Variants in FBXL7 observed in about 807,000 individuals in gnomAD.
The protein encoded by FBXL7 is F-box and leucine rich repeat protein 7.
FBXL7 carries 12 observed loss-of-function variants against 38.3 expected under a neutral mutation model. The ratio of observed to expected loss-of-function variants is 0.31; its 90% CI spans 0.20 to 0.51. The LOEUF (loss-of-function observed/expected upper bound fraction) is 0.51. Among genes scored for constraint, FBXL7 ranks in the 20% least tolerant of loss-of-function variants. FBXL7 has a pLI of 0.98. For synonymous variants in FBXL7, 297 were observed against 300.9 expected, an observed-to-expected ratio of 0.99 and a Z score of 0.13; for missense variants, 567 against 676.4, an observed-to-expected ratio of 0.84 and a Z score of 1.79.
chr5:15,651,056 C>T (rs1382421466), intron 2 of FBXL7, among the ~76,000 whole-genome samples: 1 of 150,650 alleles, frequency 6.6e-6, no homozygotes, highest in African/African-American at 2.4e-5. Context: ...AGAAATCACT[C>T]TATGGCAGCT....
intron 2 of FBXL7, among the ~76,000 whole-genome samples, chr5:15,802,313 T>G (rs1297055267): frequency 6.6e-6 from 1 of 152,092 alleles, no homozygotes; most frequent in Non-Finnish European, 1.5e-5. Context: ...TGCTTAAAAT[T>G]CAGTCAAATT....
chr5:15,653,140 G>A (rs1336919121), intron 2 of FBXL7, among the ~76,000 whole-genome samples: 1 of 152,042 alleles, frequency 6.6e-6, no homozygotes, highest in African/African-American at 2.4e-5. Context: ...AAAGCTCATT[G>A]GTCATTGATC....
At chr5:15,685,396 T>G (rs968044781) in intron 2 of FBXL7, among the ~76,000 whole-genome samples, 1 of 152,060 alleles carries the variant, frequency 6.6e-6, no homozygotes, top group Non-Finnish European at 1.5e-5. Flanking sequence ...GATCTCAAGA[T>G]TGTATGAGGG....
intron 1 of FBXL7, among the ~76,000 whole-genome samples, chr5:15,505,168 G>A (rs1736611386): frequency 6.6e-6 from 1 of 152,192 alleles, no homozygotes; most frequent in South Asian, 2.1e-4. Context: ...AACAGTGGCA[G>A]CTAACATTTA....
At chr5:15,544,456 C>A (rs1737844833) in intron 1 of FBXL7, among the ~76,000 whole-genome samples, 1 of 152,144 alleles carries the variant, frequency 6.6e-6, no homozygotes, top group Non-Finnish European at 1.5e-5. Flanking sequence ...GCCATTTTGA[C>A]AATTACTGTT....
At chr5:15,550,824 A>T (rs1738045383) in intron 1 of FBXL7, among the ~76,000 whole-genome samples, 1 of 152,154 alleles carries the variant, frequency 6.6e-6, no homozygotes, top group African/African-American at 2.4e-5. Flanking sequence ...CCCTCACTTG[A>T]TCCTGACTCC....
At chr5:15,583,381 T>G (rs1739206055) in intron 1 of FBXL7, among the ~76,000 whole-genome samples, 1 of 152,184 alleles carries the variant, frequency 6.6e-6, no homozygotes, top group Non-Finnish European at 1.5e-5. Context: ...CATGTCAGCA[T>G]TAATTCAAAA....
chr5:15,787,975 G>T (rs1335319825), intron 2 of FBXL7, among the ~76,000 whole-genome samples: 1 of 152,124 alleles, frequency 6.6e-6, no homozygotes, highest in Non-Finnish European at 1.5e-5. Flanking sequence ...ACAGTGCTGT[G>T]CTCCCTTTGA....
Position 15,782,596 on chromosome 5 carries a change from A to AT in FBXL7, c.128-145293dup, listed in dbSNP as rs1579458329. Among the ~76,000 whole-genome samples, 3 of 151,818 alleles carry AT rather than the reference A, an allele frequency of 2.0e-5. No homozygotes were observed. The East Asian group carries it at 5.8e-4, about 30-fold the overall frequency. On this transcript the variant is annotated intron_variant, in intron 2 of 3. Coordinates refer to ENST00000504595, the MANE Select transcript of FBXL7 (RefSeq NM_012304.5). ...GACCAGTGATGATGAGCCTTTTTTCATATGTTTGTTGTTTTCTTAAGTGAG... is the reference window on the plus strand; with the variant it reads ...GACCAGTGATGATGAGCCTTTTTTCATTATGTTTGTTGTTTTCTTAAGTGAG...
intron 2 of FBXL7, among the ~76,000 whole-genome samples, chr5:15,821,980 T>G (rs1473838283): frequency 2.6e-5 from 4 of 152,170 alleles, no homozygotes; most frequent in Non-Finnish European, 5.9e-5. Context: ...GACCAAGCTC[T>G]GTTTGCTGCC....
At chr5:15,892,063 G>C (rs974973231) in intron 2 of FBXL7, among the ~76,000 whole-genome samples, 1 of 152,252 alleles carries the variant, frequency 6.6e-6, no homozygotes, top group Non-Finnish European at 1.5e-5. Context: ...GGGAGCCACA[G>C]CACTAGGGAG....
At chr5:15,664,431 A>G (rs1742200535) in intron 2 of FBXL7, among the ~76,000 whole-genome samples, 1 of 139,928 alleles carries the variant, frequency 7.1e-6, no homozygotes, top group Non-Finnish European at 1.6e-5. Context: ...GTTTACCGTT[A>G]CCTTGAGAAG....
intron 2 of FBXL7, among the ~76,000 whole-genome samples, chr5:15,808,236 A>G (rs1737767250): frequency 1.3e-5 from 2 of 151,402 alleles, no homozygotes; most frequent in Admixed American, 1.3e-4. Flanking sequence ...GATTTCCTTC[A>G]TTGTCTTTCT....
chr5:15,671,520 A>G (rs1306369273), intron 2 of FBXL7, among the ~76,000 whole-genome samples: 2 of 152,110 alleles, frequency 1.3e-5, no homozygotes, highest in Non-Finnish European at 2.9e-5. Context: ...TTTAGGACTC[A>G]TGATTAATAA....
chr5:15,825,868 A>G (rs1483784150), intron 2 of FBXL7, among the ~76,000 whole-genome samples: 1 of 152,240 alleles, frequency 6.6e-6, no homozygotes, highest in Admixed American at 6.5e-5. Context: ...AGAGAGGAAG[A>G]AAAGGAGAAA....
rs1176443388 is a variant in FBXL7, at chr5:15,936,088, T to G, written c.740-362T>G. ...ATATTTACACACATCCTCTCATTAC[T>G]CCATCCCAGCTGCCTCCCAGGGAAT... On this transcript the variant is annotated intron_variant, in intron 3 of 3. Transcript: ENST00000504595. This position sits in a 1 kb window ranked among gnomAD's most constrained non-coding sequence, Gnocchi z 6.0. Among the ~76,000 whole-genome samples, 1 of 152,286 alleles carries G rather than the reference T, an allele frequency of 6.6e-6. No homozygotes were observed. Among genetic ancestry groups the G allele is most frequent in the South Asian group, 2.1e-4 (1 of 4,814 alleles).
chr5:15,734,148 T>A (rs999299340), intron 2 of FBXL7, among the ~76,000 whole-genome samples: 1 of 150,600 alleles, frequency 6.6e-6, no homozygotes, highest in Non-Finnish European at 1.5e-5. Context: ...TGTTAATGCC[T>A]TTGCTGCCGC....
At chr5:15,561,202 G>T (rs1738406371) in intron 1 of FBXL7, among the ~76,000 whole-genome samples, 1 of 152,052 alleles carries the variant, frequency 6.6e-6, no homozygotes, top group African/African-American at 2.4e-5. Context: ...CTGCATCTTT[G>T]TACCTCTTGA....
chr5:15,930,787 T>C (rs571008379), intron 3 of FBXL7, among the ~76,000 whole-genome samples: 1 of 152,314 alleles, frequency 6.6e-6, no homozygotes, highest in South Asian at 2.1e-4. Context: ...AAGTTTCAGA[T>C]AGATGGTCTT....
Sources: gnomAD v4.1 joint callset for allele counts (sites outside exome capture counted in the v4.1 genomes callset) on GRCh38, gnomAD v4.1.1 for gene constraint, Gnocchi (gnomAD v3.1) non-coding constraint, MANE v1.5 for transcripts, NCBI Gene and HGNC (gene_info 2026-07-23, HGNC 2026-07-21) for gene names.